The following TMEM260 variants were observed in gnomAD, a reference collection of about 807,000 sequenced individuals.
The protein encoded by TMEM260 is protein O-mannosyl-transferase TMEM260.
In TMEM260, 82 loss-of-function variants were observed where a neutral mutation model predicts 88.9. The observed-to-expected ratio is 0.92, with a 90% CI of 0.77 to 1.11. The LOEUF is 1.11. TMEM260 is among the 50% of genes least tolerant of loss of function. The pLI, the probability that TMEM260 is intolerant of heterozygous loss-of-function variation, is 0.00. For synonymous variants in TMEM260, 314 were observed against 309.3 expected (o/e 1.02, Z -0.16); for missense variants, 902 against 853.4 (o/e 1.06, Z -0.71).
intron 3 of TMEM260, among the ~76,000 whole-genome samples, chr14:56,593,634 T>C (rs923147158): frequency 6.6e-6 from 1 of 150,538 alleles, no homozygotes; most frequent in Non-Finnish European, 1.5e-5. Flanking sequence ...TCTCTAACAG[T>C]GTCAAAACTT....
chr14:56,623,382 T>G (rs770975306), intron 11 of TMEM260, among the ~76,000 whole-genome samples: 3 of 152,136 alleles, frequency 2.0e-5, no homozygotes, highest in Non-Finnish European at 4.4e-5. Context: ...GCACAGTGCT[T>G]CTTCTGGGGT....
At chr14:56,608,597 C>G (rs184208529) in intron 5 of TMEM260, among the ~76,000 whole-genome samples, 1 of 152,222 alleles carries the variant, frequency 6.6e-6, no homozygotes, top group East Asian at 1.9e-4. Flanking sequence ...AAGCTAGTTT[C>G]ATTTATGCCA....
chr14:56,616,063 A>G lies in TMEM260; in HGVS notation c.941+36A>G, dbSNP rs751373257. 2.9e-5 allele frequency: 41 copies of G among 1,437,874 alleles called. 1 individual carries two copies. In the Admixed American group the frequency reaches 3.0e-4, roughly 11 times the overall value. The allele number at this position is 1,437,874 out of a possible 1,614,324, so 89.1% of individuals were successfully genotyped here. ...CAATTCCTTTTTCTGTTATTTTTCT[A>G]TGTTCATGAATTGAATTAATGTTTT... is the stretch of plus-strand genomic sequence containing the variant. On this transcript the variant is annotated intron_variant, in intron 8 of 15. Transcript: ENST00000261556.
the TMEM260 span, among the ~76,000 whole-genome samples, chr14:56,659,802 T>C: frequency 5.6e-4 from 85 of 152,300 alleles, no homozygotes; most frequent in African/African-American, 2.0e-3. Context: ...CAGATAAAAA[T>C]ACATTTTAAG....
At chr14:56,626,742 T>C (rs1467746305) in intron 12 of TMEM260, among the ~76,000 whole-genome samples, 3 of 152,194 alleles carry the variant, frequency 2.0e-5, no homozygotes, top group African/African-American at 7.2e-5. Flanking sequence ...AAAAATTGCA[T>C]GTCCAAAATG....
At position 56,585,830 on chromosome 14, in the gene TMEM260, G is replaced by A; in HGVS notation, c.262G>A (p.Gly88Ser). ...ACTGGCAATTACACTGTTTCCTTTT[G>A]GTTCAATTGCCTACCGCGTCAATCT... ...AKLAITLFPF[G>S]SIAYRVNLLC... Residue 88 changes from glycine to serine, a missense_variant, in exon 3 of 16, where the codon GGT becomes AGT. Gly to Ser is a moderately conservative substitution (Grantham distance 56). Transcript: ENST00000261556. The A allele has an allele frequency of 6.2e-7, 1 of 1,613,236 alleles. No homozygotes were observed. The highest frequency in any genetic ancestry group is 8.5e-7 in the Non-Finnish European group (1 of 1,179,618).
intron 10 of TMEM260, 141 bp from the exon 11 acceptor site, chr14:56,621,390 T>A (rs1887906513): frequency 3.4e-6 from 2 of 594,396 alleles, no homozygotes; most frequent in Non-Finnish European, 5.5e-6. Flanking sequence ...TCTCTTCAAA[T>A]ATACATATTA....
At chr14:56,615,782 T>TTCC in intron 7 of TMEM260, 162 bp from the exon 8 acceptor site, 1 of 582,826 alleles carries the variant, frequency 1.7e-6, no homozygotes. Context: ...TAAGTCTTTC[T>TTCC]ATTGCACTTT....
intron 3 of TMEM260, among the ~76,000 whole-genome samples, chr14:56,600,966 A>G (rs933523674): frequency 6.6e-6 from 1 of 152,206 alleles, no homozygotes; most frequent in Non-Finnish European, 1.5e-5. Flanking sequence ...GAAACAGTAC[A>G]TGGATTGCAA....
At chr14:56,641,101 A>G (rs984671015) in intron 15 of TMEM260, among the ~76,000 whole-genome samples, 6 of 151,146 alleles carry the variant, frequency 4.0e-5, no homozygotes, top group Non-Finnish European at 5.9e-5. Flanking sequence ...GCAGGATACT[A>G]TCTAGGAGAA....
At chr14:56,653,745 A>AAAAAAAAAAAAAAC (rs1555343563), downstream of TMEM260, among the ~76,000 whole-genome samples, 2 of 137,364 alleles carry the variant, frequency 1.5e-5, no homozygotes, top group Admixed American at 1.6e-4. Context: ...CCAAAACAAA[A>AAAAAAAAAAAAAAC]AAAAAAAAAA....
intron 15 of TMEM260, 123 bp from the exon 16 acceptor site, chr14:56,647,120 A>AT: frequency 9.1e-7 from 1 of 1,101,266 alleles, no homozygotes; most frequent in Non-Finnish European, 1.3e-6. Context: ...CAATGATTAG[A>AT]TTTTTACTGG....
chr14:56,598,069 G>A (rs1251818311), intron 3 of TMEM260, among the ~76,000 whole-genome samples: 2 of 152,094 alleles, frequency 1.3e-5, no homozygotes, highest in Non-Finnish European at 2.9e-5. Context: ...GTGCAGTGCT[G>A]GGAACAGATC....
intron 3 of TMEM260, among the ~76,000 whole-genome samples, chr14:56,592,778 G>A (rs775505594): frequency 6.6e-6 from 1 of 152,150 alleles, no homozygotes; most frequent in Non-Finnish European, 1.5e-5. Flanking sequence ...ACGTTCAGAT[G>A]CTGCACTGTG....
intron 3 of TMEM260, among the ~76,000 whole-genome samples, chr14:56,601,194 A>G (rs1265893940): frequency 6.6e-6 from 1 of 152,198 alleles, no homozygotes; most frequent in East Asian, 1.9e-4. Flanking sequence ...AATGGAGTTC[A>G]TAATTCTAAT....
At chr14:56,646,004 G>A (rs1030068028) in intron 15 of TMEM260, among the ~76,000 whole-genome samples, 10 of 152,140 alleles carry the variant, frequency 6.6e-5, no homozygotes, top group African/African-American at 1.9e-4. Flanking sequence ...TTGTGGGCCA[G>A]GCTGGTCTCC....
intron 15 of TMEM260, among the ~76,000 whole-genome samples, chr14:56,646,800 A>G (rs1373814946): frequency 6.6e-6 from 1 of 152,044 alleles, no homozygotes; most frequent in Non-Finnish European, 1.5e-5. Flanking sequence ...ATGTGGGACA[A>G]AAATTTAAAT....
At chr14:56,597,971 T>A (rs1486169996) in intron 3 of TMEM260, among the ~76,000 whole-genome samples, 2 of 152,134 alleles carry the variant, frequency 1.3e-5, no homozygotes, top group Non-Finnish European at 2.9e-5. Context: ...CATGTTGACA[T>A]TGAGGTTCTA....
chr14:56,624,493 C>T (rs1888119406), intron 11 of TMEM260, among the ~76,000 whole-genome samples: 1 of 152,180 alleles, frequency 6.6e-6, no homozygotes, highest in African/African-American at 2.4e-5. Context: ...AGAATGAACC[C>T]AGATGGCGGA....
Sources: gnomAD v4.1 joint callset for allele counts (sites outside exome capture counted in the v4.1 genomes callset) on GRCh38, gnomAD v4.1.1 for gene constraint, MANE v1.5 for transcripts, NCBI Gene and HGNC (gene_info 2026-07-23, HGNC 2026-07-21) for gene names.